Variants in INTS1 observed in about 807,000 individuals in gnomAD.
INTS1 encodes integrator complex subunit 1.
INTS1 carries 137 observed loss-of-function variants against 241.6 expected under a neutral mutation model. The observed-to-expected ratio is 0.57, with a 90% CI of 0.49 to 0.65. The LOEUF is 0.65. INTS1 is among the 30% of genes least tolerant of loss of function. INTS1 has a pLI of 0.00. For missense variants in INTS1, 3,073 were observed against 3,032.2 expected (o/e 1.01, Z -0.32); for synonymous variants, 1,692 against 1,337.8 (o/e 1.26, Z -5.78).
Position 1,493,751 on chromosome 7 carries a change from T to C in INTS1, c.2068+3A>G. On this transcript the variant is annotated splice_donor_region_variant and intron_variant, in intron 15 of 47. Coordinates refer to ENST00000404767, the MANE Select transcript of INTS1 (RefSeq NM_001080453.3). This position sits in a 1 kb window ranked among gnomAD's most constrained non-coding sequence, Gnocchi z 5.3. ...CAGGCGCCATCCCCTGCAGAAGCCA[T>C]ACCATCCGCCTGCACGGCAGCCGCC... The C allele has an allele frequency of 1.9e-6, 3 of 1,575,032 alleles. No individual in the cohort carries two copies. In the South Asian group the frequency reaches 3.5e-5, roughly 18 times the overall value.
chr7:1,499,340 G>A lies in INTS1; in HGVS notation c.865C>T (p.Leu289Phe), dbSNP rs775882243. The A allele has an allele frequency of 1.9e-6, 3 of 1,596,178 alleles. No homozygotes were observed. Among genetic ancestry groups the A allele is most frequent in the Non-Finnish European group, 2.6e-6 (3 of 1,171,020 alleles). ...GTCTGGCTGTCCTCCTCCTCCGTGA[G>A]GGAGGGGTGTGGGCTGCTCCCTGCA... ...LGAGSSPHPSLTEEEDSQTEL... is the reference protein window; with the variant it reads ...LGAGSSPHPSFTEEEDSQTEL... The change falls in exon 7 of 48, where the codon CTC becomes TTC. Residue 289 changes from leucine (L) to phenylalanine (F), a missense_variant. Transcript: ENST00000404767.
At position 1,503,961 on chromosome 7, in the gene INTS1, C is replaced by T; in HGVS notation, c.-1G>A. The T allele has an allele frequency of 6.4e-7, 1 of 1,553,356 alleles. No homozygotes were observed. The highest frequency in any genetic ancestry group is 1.7e-4 in the Middle Eastern group (1 of 5,942). ...CCGTGGTGGGCTTGGCCCGGTTCAT[C>T]CTGCCCCGTCCCTCGCGGCTCCCGG... On this transcript the variant is annotated 5_prime_UTR_variant, in exon 2 of 48. Transcript: ENST00000404767.
chr7:1,480,845 C>CGGCAGGGA lies in INTS1; in HGVS notation c.3931_3938dup (p.Arg1315CysfsTer21). On this transcript the variant is annotated frameshift_variant, in exon 29 of 48. Coordinates refer to ENST00000404767, the MANE Select transcript of INTS1 (RefSeq NM_001080453.3). LOFTEE classifies it high-confidence loss of function. ...ACCCCTCCCCAGTACCTCGGCGGGG[C>CGGCAGGGA]GGCAGGGAGGCTGTGAGCAAGGAGT... 1 of 1,551,886 alleles carries CGGCAGGGA rather than the reference C, an allele frequency of 6.4e-7. No homozygotes were observed. Among genetic ancestry groups the CGGCAGGGA allele is most frequent in the Non-Finnish European group, 8.7e-7 (1 of 1,148,512 alleles).
intron 39 of INTS1, 69 bp downstream of exon 39, chr7:1,475,879 C>A: frequency 6.6e-7 from 1 of 1,505,916 alleles, no homozygotes; most frequent in Non-Finnish European, 8.9e-7. Context: ...ACTGTGGCCT[C>A]CGCCCTCCCT....
chr7:1,500,379 G>A lies in INTS1; in HGVS notation c.350-13C>T, dbSNP rs757912546. 6.4e-7 allele frequency: 1 copy of A among 1,550,682 alleles called. No individual in the cohort carries two copies. The highest frequency in any genetic ancestry group is 1.2e-5 in the South Asian group (1 of 85,858). The stretch of plus-strand genomic sequence containing the variant: ...ACCGTGGGCAGCACTGGCCGGGGCA[G>A]GCGGTACGGTCAGAACGGGGCCAGG... On this transcript the variant is annotated splice_polypyrimidine_tract_variant and intron_variant, in intron 3 of 47. Transcript: ENST00000404767.
At chr7:1,498,930 G>GGCCCCCCCCCCCCGCCCCCCCCCCCC in intron 8 of INTS1, 45 bp downstream of exon 8, 1 of 1,460,180 alleles carries the variant, frequency 6.8e-7, no homozygotes, top group Non-Finnish European at 9.3e-7. Flanking sequence ...CACAGAGCCT[G>GGCCCCCCCCCCCCGCCCCCCCCCCCC]CCCCCACCCC....
In INTS1 at chr7:1,487,770, G is replaced by A. The variant is rs1256726478; in HGVS notation, c.2506C>T (p.Leu836=). ...SSLLLSQLTS[L]DPQGPPRRPP... ...GTGTGGGCTGCGTACTGGGGGTCCA[G>A]GCTGGTGAGCTGCGACAGGAGGAGG... The change falls in exon 19 of 48, where the codon CTG becomes TTG. Residue 836 remains leucine (L), a synonymous_variant. Coordinates refer to ENST00000404767, the MANE Select transcript of INTS1 (RefSeq NM_001080453.3). The A allele has an allele frequency of 1.2e-6, 2 of 1,608,714 alleles. No homozygotes were observed. Among genetic ancestry groups the A allele is most frequent in the Admixed American group, 1.7e-5 (1 of 59,998 alleles).
chr7:1,501,868 G>A (rs1195466588), intron 3 of INTS1, among the ~76,000 whole-genome samples: 3 of 152,242 alleles, frequency 2.0e-5, no homozygotes, highest in South Asian at 2.1e-4. Flanking sequence ...GTGCTGCCCA[G>A]GCCAGGCCAG....
chr7:1,493,031 T>C lies in INTS1; in HGVS notation c.2144A>G (p.Glu715Gly). 4 of 1,613,050 alleles carry C rather than the reference T, an allele frequency of 2.5e-6. No individual in the cohort carries two copies. The highest frequency in any genetic ancestry group is 3.4e-6 in the Non-Finnish European group (4 of 1,179,498). The part of the protein sequence containing the change: ...VLNLCTYHHP[E>G]NIQLPPGYQP... ...TTACCCCGGTGGGAGCTGGATGTTT[T>C]CAGGGTGATGGTAGGTGCACAGATT... is the stretch of plus-strand genomic sequence containing the variant. The change falls in exon 16 of 48, where the codon GAA becomes GGA. Residue 715 changes from glutamate (E) to glycine (G), a missense_variant. Physicochemically the swap from Glu to Gly is moderately conservative, Grantham distance 98. Transcript: ENST00000404767. This position sits in a 1 kb window ranked among gnomAD's most constrained non-coding sequence, Gnocchi z 5.3.
intron 2 of INTS1, 45 bp from the exon 3 acceptor site, chr7:1,503,236 A>G: frequency 2.0e-6 from 3 of 1,499,672 alleles, no homozygotes; most frequent in Non-Finnish European, 2.7e-6. Flanking sequence ...TGCAACACCC[A>G]AGATGGAAAA....
chr7:1,495,835 C>T (rs1255470851), intron 12 of INTS1, among the ~76,000 whole-genome samples: 3 of 152,166 alleles, frequency 2.0e-5, no homozygotes, highest in African/African-American at 7.2e-5. Flanking sequence ...ATCAAACACC[C>T]GGACTGCCCC....
chr7:1,482,780 G>A (rs1206349367), intron 26 of INTS1, 73 bp from the exon 27 acceptor site: 9 of 1,536,114 alleles, frequency 5.9e-6, no homozygotes, highest in Non-Finnish European at 7.1e-6. Context: ...TGGTGCCAAG[G>A]CTAGAGGCAC....
In INTS1 at chr7:1,493,859, G is replaced by C; in HGVS notation, c.1963C>G (p.Arg655Gly). Residue 655 changes from arginine (R) to glycine (G), a missense_variant, in exon 15 of 48, where the codon CGC becomes GGC. Transcript: ENST00000404767. This position sits in a 1 kb window ranked among gnomAD's most constrained non-coding sequence, Gnocchi z 5.3. ...EVPILEDTLM[R>G]ILVIGLSREL... ...CGGGACAGCCCGATGACCAGGATGC[G>C]CATCAGCGTGTCCTCCAAAATGGGC... 1.3e-6 allele frequency: 2 copies of C among 1,566,602 alleles called. No homozygotes were observed. The highest frequency in any genetic ancestry group is 8.6e-7 in the Non-Finnish European group (1 of 1,156,522).
chr7:1,484,313 G>GCC, intron 24 of INTS1, 143 bp from the exon 25 acceptor site: 1 of 849,740 alleles, frequency 1.2e-6, no homozygotes, highest in East Asian at 2.7e-5. Context: ...GCCGCAGGCC[G>GCC]CCAGGGAAGA....
chr7:1,477,035 C>G, intron 35 of INTS1, 117 bp from the exon 36 acceptor site: 1 of 1,269,336 alleles, frequency 7.9e-7, no homozygotes, highest in East Asian at 2.5e-5. Context: ...GGGGTGCTGC[C>G]GGTAACACCG....
At chr7:1,480,170 AC>A in intron 30 of INTS1, 146 bp downstream of exon 30, 1 of 903,802 alleles carries the variant, frequency 1.1e-6, no homozygotes, top group Non-Finnish European at 1.6e-6. Flanking sequence ...TCAGGCGGTC[AC>A]GCGTGTAAAG....
In INTS1 at chr7:1,478,790, C is replaced by A. The variant is rs201144021; in HGVS notation, c.4425G>T (p.Gly1475=). 4.9e-4 allele frequency: 791 copies of A among 1,605,048 alleles called. 5 individuals are homozygous for A. In the African/African-American group the frequency reaches 9.0e-3, roughly 18 times the overall value. The stretch of plus-strand genomic sequence containing the variant: ...GCATCCTGAGCTGTGCCCGCAGGGG[C>A]CCGCCCTCCACGCCAGGGCTGTCCA... ...QWLDSPGVEG[G]PLRAQLRMLA... Residue 1475 remains glycine (G), a synonymous_variant, in exon 32 of 48, where the codon GGG becomes GGT. Coordinates refer to ENST00000404767, the MANE Select transcript of INTS1 (RefSeq NM_001080453.3).
chr7:1,503,704 A>G (rs1023129063), intron 2 of INTS1, among the ~76,000 whole-genome samples, 199 bp downstream of exon 2: 1 of 152,202 alleles, frequency 6.6e-6, no homozygotes, highest in Admixed American at 6.5e-5. Flanking sequence ...TCCCGAAGGA[A>G]GTCGCCACTG....
At chr7:1,482,520 CT>C in intron 27 of INTS1, 25 bp downstream of exon 27, 2 of 1,578,088 alleles carry the variant, frequency 1.3e-6, no homozygotes, top group Non-Finnish European at 1.7e-6. Context: ...TCAGCAGCCC[CT>C]GCCCAAGCCC....
Sources: allele counts gnomAD v4.1 joint callset (sites outside exome capture counted in the v4.1 genomes callset), GRCh38; gene constraint gnomAD v4.1.1; non-coding constraint Gnocchi (gnomAD v3.1); transcripts MANE v1.5; gene names NCBI Gene and HGNC (gene_info 2026-07-23, HGNC 2026-07-21).